The following CCDC77 variants were observed in gnomAD, a reference collection of about 807,000 sequenced individuals.
The protein encoded by CCDC77 is coiled-coil domain containing 77, also known as coiled-coil domain-containing protein 77.
A neutral mutation model predicts 66.8 loss-of-function variants in CCDC77; 56 were observed. The observed-to-expected ratio is 0.84, with a 90% confidence interval of 0.68 to 1.05. The LOEUF is 1.05. Among genes scored for constraint, CCDC77 ranks in the 50% least tolerant of loss-of-function variants. CCDC77 has a pLI of 0.00. For synonymous variants in CCDC77, 196 were observed against 195.2 expected (o/e 1.00, Z -0.03); for missense variants, 570 against 576.8 (o/e 0.99, Z 0.12).
chr12:413,408 T>G (rs1477365370), intron 4 of CCDC77, among the ~76,000 whole-genome samples: 1 of 149,420 alleles, frequency 6.7e-6, no homozygotes, highest in East Asian at 2.0e-4. Flanking sequence ...AGCTAATTTT[T>G]TTGTATTTTT....
upstream of CCDC77, among the ~76,000 whole-genome samples, chr12:396,843 G>A (rs1442052926): frequency 2.6e-5 from 4 of 152,196 alleles, no homozygotes; most frequent in African/African-American, 9.7e-5. Context: ...CCATACTACT[G>A]TCTGAACTTC....
intron 2 of CCDC77, 135 bp from the exon 3 acceptor site, chr12:409,233 A>T: frequency 2.9e-6 from 2 of 678,700 alleles, no homozygotes; most frequent in Non-Finnish European, 5.0e-6. Context: ...AAGAAAAAAA[A>T]AACTACATTT....
intron 2 of CCDC77, among the ~76,000 whole-genome samples, chr12:408,189 A>C (rs934500721): frequency 6.6e-6 from 1 of 152,166 alleles, no homozygotes; most frequent in Non-Finnish European, 1.5e-5. Flanking sequence ...AATGCTTGAT[A>C]AGAAAGTTTT....
intron 9 of CCDC77, among the ~76,000 whole-genome samples, chr12:436,187 G>A (rs1291059670): frequency 1.4e-5 from 2 of 140,326 alleles, no homozygotes; most frequent in African/African-American, 2.7e-5. Flanking sequence ...GCACAATCTC[G>A]GCTCACTGCA....
chr12:415,485 T>G (rs1008233178), intron 4 of CCDC77, among the ~76,000 whole-genome samples: 33 of 147,506 alleles, frequency 2.2e-4, no homozygotes, highest in African/African-American at 6.2e-4. Flanking sequence ...TATGTTGATA[T>G]TATTAACATA....
chr12:402,609 T>C (rs552944897), intron 1 of CCDC77, among the ~76,000 whole-genome samples: 1 of 152,326 alleles, frequency 6.6e-6, no homozygotes, highest in East Asian at 1.9e-4. Context: ...GTTTGGCCCT[T>C]ATGTAGAAAG....
intron 4 of CCDC77, among the ~76,000 whole-genome samples, chr12:415,308 A>ATG (rs1187802583): frequency 9.1e-6 from 1 of 110,042 alleles, no homozygotes; most frequent in African/African-American, 3.7e-5. Flanking sequence ...TCAACATAAT[A>ATG]TTATGTTAAT....
chr12:408,137 A>T (rs1211257587), intron 2 of CCDC77, among the ~76,000 whole-genome samples: 6 of 152,098 alleles, frequency 3.9e-5, no homozygotes, highest in Non-Finnish European at 8.8e-5. Flanking sequence ...GACATAACAG[A>T]ACATCATCTG....
chr12:411,020 C>T (rs1241240897), intron 3 of CCDC77, among the ~76,000 whole-genome samples: 2 of 150,158 alleles, frequency 1.3e-5, no homozygotes, highest in Non-Finnish European at 3.0e-5. Context: ...TCAAGCGATC[C>T]TCCCACCTCA....
chr12:399,876 TGA>T (rs1944874515), upstream of CCDC77, among the ~76,000 whole-genome samples: 1 of 152,348 alleles, frequency 6.6e-6, no homozygotes, highest in African/African-American at 2.4e-5. Context: ...GCCCCTAACA[TGA>T]GAGTCAGTCT....
Position 418,557 on chromosome 12 carries a change from A to G in CCDC77, c.334A>G (p.Ser112Gly), listed in dbSNP as rs553575731. 1 of 1,614,002 alleles carries G rather than the reference A, an allele frequency of 6.2e-7. No homozygotes were observed. The highest frequency in any genetic ancestry group is 2.2e-5 in the East Asian group (1 of 44,892). The change falls in exon 5 of 13, where the codon AGT becomes GGT. Residue 112 changes from serine (S) to glycine (G), a missense_variant. By Grantham distance (56) the Ser-to-Gly change is moderately conservative (BLOSUM62 0). Transcript: ENST00000239830. Reference protein sequence around the residue: ...EEIAELQKALSDMQVCLFQER... With the variant: ...EEIAELQKALGDMQVCLFQER... ...GATTGCTGAATTGCAGAAAGCTCTA[A>G]GTGATATGCAGGTCTGCCTCTTCCA...
intron 3 of CCDC77, among the ~76,000 whole-genome samples, chr12:410,053 A>G (rs1400479236): frequency 6.6e-6 from 1 of 151,954 alleles, no homozygotes; most frequent in Non-Finnish European, 1.5e-5. Flanking sequence ...CAAGTTTTTA[A>G]TCACTGGGAA....
At chr12:440,574 TG>T in intron 10 of CCDC77, 42 bp from the exon 11 acceptor site, 1 of 1,606,060 alleles carries the variant, frequency 6.2e-7, no homozygotes, top group African/African-American at 1.3e-5. Context: ...TTACCTGAAT[TG>T]TAGAACTGAG....
chr12:410,200 A>G (rs1945079974), intron 3 of CCDC77, among the ~76,000 whole-genome samples: 2 of 152,228 alleles, frequency 1.3e-5, no homozygotes, highest in South Asian at 4.1e-4. Context: ...TTGTTATGTT[A>G]TAAATTGCAG....
At chr12:418,176 G>A (rs1030841881) in intron 4 of CCDC77, among the ~76,000 whole-genome samples, 3 of 152,002 alleles carry the variant, frequency 2.0e-5, no homozygotes, top group South Asian at 2.1e-4. Flanking sequence ...AAAATTAGCC[G>A]GGCATGGTGG....
upstream of CCDC77, among the ~76,000 whole-genome samples, chr12:399,290 G>C (rs2369278): frequency 1.3e-5 from 2 of 151,938 alleles, no homozygotes; most frequent in Non-Finnish European, 2.9e-5. Flanking sequence ...TCCTGCCTCA[G>C]CCTCCTGAGT....
Position 409,392 on chromosome 12 carries a change from T to C in CCDC77, c.9T>C (p.Phe3=), listed in dbSNP as rs1337305586. The C allele has an allele frequency of 1.9e-6, 3 of 1,613,290 alleles. No individual in the cohort carries two copies. The highest frequency in any genetic ancestry group is 2.2e-5 in the East Asian group (1 of 44,878). ...GGTGTGAAAAAGACAGCATGAACTT[T>C]ACCCCAACACACACCCCTGTCTGCA... MN[F]TPTHTPVCRK... Residue 3 remains phenylalanine (F), a synonymous_variant, in exon 3 of 13, where the codon TTT becomes TTC. Transcript: ENST00000239830.
At chr12:433,102 G>T (rs757535096) in intron 8 of CCDC77, 72 bp from the exon 9 acceptor site, 10 of 1,454,058 alleles carry the variant, frequency 6.9e-6, no homozygotes, top group East Asian at 6.9e-5. Context: ...CTGGAGAAAG[G>T]CTCACTTTTC....
At chr12:412,031 G>C in intron 4 of CCDC77, 53 bp downstream of exon 4, 1 of 1,330,354 alleles carries the variant, frequency 7.5e-7, no homozygotes, top group South Asian at 1.3e-5. Flanking sequence ...TCATAAATTA[G>C]AGATGCCCTA....
Sources: gnomAD v4.1 joint callset for allele counts (sites outside exome capture counted in the v4.1 genomes callset) on GRCh38, gnomAD v4.1.1 for gene constraint, MANE v1.5 for transcripts, NCBI Gene and HGNC (gene_info 2026-07-23, HGNC 2026-07-21) for gene names.